Variants in GPHN observed in about 807,000 individuals in gnomAD.
The protein encoded by GPHN is gephyrin.
Under a neutral mutation model 95.5 loss-of-function variants are expected in GPHN, and 17 were observed. The ratio of observed to expected loss-of-function variants is 0.18; its 90% CI spans 0.12 to 0.27. GPHN has a LOEUF of 0.27. GPHN is among the 10% of genes least tolerant of loss of function. The pLI, the probability that GPHN is intolerant of heterozygous loss-of-function variation, is 1.00. For synonymous variants in GPHN, 320 were observed against 322.5 expected (o/e 0.99, Z 0.08); for missense variants, 660 against 978.1 (o/e 0.67, Z 4.34).
At chr14:66,723,533 A>G (rs1011548127) in intron 2 of GPHN, among the ~76,000 whole-genome samples, 1 of 152,090 alleles carries the variant, frequency 6.6e-6, no homozygotes, top group African/African-American at 2.4e-5. Context: ...ACAAGTATCT[A>G]AAATATCACA....
chr14:66,802,445 C>T (rs1291551408), intron 3 of GPHN, among the ~76,000 whole-genome samples: 2 of 152,160 alleles, frequency 1.3e-5, no homozygotes, highest in Non-Finnish European at 2.9e-5. Flanking sequence ...CTACTTGATG[C>T]TCAACCCCCT....
the GPHN span, chr14:67,382,644 T>G: frequency 6.3e-7 from 1 of 1,594,508 alleles, no homozygotes; most frequent in Non-Finnish European, 8.6e-7. Context: ...CTAAAAGGAG[T>G]TCTTGTAGGT....
chr14:66,934,015 T>C (rs1241419610), intron 8 of GPHN, among the ~76,000 whole-genome samples: 2 of 151,944 alleles, frequency 1.3e-5, no homozygotes, highest in Non-Finnish European at 2.9e-5. Context: ...GGCACATGCC[T>C]GTAGTCCCAG....
At chr14:67,605,247 A>G in the GPHN span, among the ~76,000 whole-genome samples, 1 of 152,204 alleles carries the variant, frequency 6.6e-6, no homozygotes, top group South Asian at 2.1e-4. Flanking sequence ...TCTCTCAGCA[A>G]TGCTTAACAA....
the GPHN span, chr14:67,593,966 C>G: frequency 6.4e-7 from 1 of 1,561,918 alleles, no homozygotes; most frequent in Non-Finnish European, 8.8e-7. Flanking sequence ...AAGAGAGAGC[C>G]AGACACAGAC....
At chr14:67,383,178 T>A in the GPHN span, 1 of 910,096 alleles carries the variant, frequency 1.1e-6, no homozygotes, top group Admixed American at 3.0e-5. Context: ...TGCTGATAAG[T>A]CACTCAAAAG....
chr14:67,190,859 G>A, the GPHN span, among the ~76,000 whole-genome samples: 4 of 152,210 alleles, frequency 2.6e-5, no homozygotes, highest in Non-Finnish European at 4.4e-5. Context: ...ACACTTCAAA[G>A]TGCTGGGAAT....
the GPHN span, among the ~76,000 whole-genome samples, chr14:67,514,170 G>C: frequency 2.0e-5 from 3 of 152,154 alleles, no homozygotes; most frequent in Non-Finnish European, 4.4e-5. Flanking sequence ...GGAGAGCCTT[G>C]AGCAGTGCCC....
intron 1 of GPHN, among the ~76,000 whole-genome samples, chr14:66,588,592 A>G (rs1401227640): frequency 6.6e-6 from 1 of 152,164 alleles, no homozygotes. Context: ...TGAAGCATAC[A>G]CAAGTATCAA....
intron 4 of GPHN, among the ~76,000 whole-genome samples, chr14:66,872,617 A>G (rs112251454): frequency 0.015 from 2,302 of 152,216 alleles, 33 homozygotes; most frequent in Non-Finnish European, 0.018. Flanking sequence ...CGTATCCTCC[A>G]GGCATGGTGG....
chr14:67,110,980 A>G (rs920596301), intron 14 of GPHN, among the ~76,000 whole-genome samples: 1 of 152,220 alleles, frequency 6.6e-6, no homozygotes, highest in East Asian at 1.9e-4. Flanking sequence ...AAAGTAGAAT[A>G]GATTCAACTG....
chr14:66,546,363 C>A (rs1039787314), intron 1 of GPHN, among the ~76,000 whole-genome samples: 1 of 151,432 alleles, frequency 6.6e-6, no homozygotes. Context: ...ACTTCCCAGA[C>A]GGGGTGGCGG....
chr14:67,393,217 A>G, the GPHN span: 1 of 1,613,898 alleles, frequency 6.2e-7, no homozygotes. Flanking sequence ...CGGTGTTGCT[A>G]TCGTGCATCT....
the GPHN span, among the ~76,000 whole-genome samples, chr14:67,348,683 G>A: frequency 1.2e-4 from 18 of 148,448 alleles, no homozygotes; most frequent in African/African-American, 4.5e-4. Context: ...CACCAAACCT[G>A]GCTAATTTTT....
intron 11 of GPHN, among the ~76,000 whole-genome samples, chr14:67,071,701 C>T (rs1003807470): frequency 7.9e-5 from 12 of 151,826 alleles, no homozygotes; most frequent in East Asian, 5.8e-4. Flanking sequence ...TGCCCTATGT[C>T]GCAATCAGGT....
intron 3 of GPHN, among the ~76,000 whole-genome samples, chr14:66,785,054 G>T (rs945453308): frequency 5.3e-5 from 8 of 152,088 alleles, no homozygotes; most frequent in African/African-American, 1.9e-4. Context: ...ATTTATGTGT[G>T]AACACAAATT....
chr14:67,671,718 G>A, the GPHN span, among the ~76,000 whole-genome samples: 6,079 of 152,232 alleles, frequency 0.04, 354 homozygotes, highest in African/African-American at 0.13. Context: ...GAGTTCTGGA[G>A]GCTGGGAAGC....
At chr14:66,593,315 AC>A (rs1478361812) in intron 1 of GPHN, among the ~76,000 whole-genome samples, 3 of 151,762 alleles carry the variant, frequency 2.0e-5, no homozygotes, top group Non-Finnish European at 2.9e-5. Context: ...AAAAAAAAAA[AC>A]AAACAACTGT....
the GPHN span, among the ~76,000 whole-genome samples, chr14:67,328,815 C>G: frequency 2.0e-5 from 3 of 152,140 alleles, no homozygotes; most frequent in Admixed American, 2.0e-4. Context: ...TCTGAGGGCT[C>G]TGTTCTGTTC....
Sources: gnomAD v4.1 joint callset for allele counts (sites outside exome capture counted in the v4.1 genomes callset) on GRCh38, gnomAD v4.1.1 for gene constraint, MANE v1.5 for transcripts, NCBI Gene and HGNC (gene_info 2026-07-23, HGNC 2026-07-21) for gene names.